The following PCDH15 variants were observed in gnomAD, a reference collection of about 807,000 sequenced individuals.
The protein encoded by PCDH15 is protocadherin related 15.
PCDH15 carries 129 observed loss-of-function variants against 178.5 expected under a neutral mutation model. The observed-to-expected ratio is 0.72, with a 90% confidence interval of 0.63 to 0.84. PCDH15 has a LOEUF of 0.84. Among genes scored for constraint, PCDH15 ranks in the 40% least tolerant of loss-of-function variants. The pLI, the probability that PCDH15 is intolerant of heterozygous loss-of-function variation, is 0.00. For synonymous variants in PCDH15, 800 were observed against 732.0 expected, an observed-to-expected ratio of 1.09 and a Z score of -1.50; for missense variants, 2,230 against 2,099.9, an observed-to-expected ratio of 1.06 and a Z score of -1.21.
intron 2 of PCDH15, among the ~76,000 whole-genome samples, chr10:55,376,737 C>T (rs1837402591): frequency 6.6e-6 from 1 of 151,962 alleles, no homozygotes; most frequent in Admixed American, 6.6e-5. Context: ...AGTCAATACA[C>T]CTATAAGCGG....
intron 2 of PCDH15, among the ~76,000 whole-genome samples, chr10:55,089,679 A>T (rs1842264733): frequency 6.6e-6 from 1 of 152,146 alleles, no homozygotes; most frequent in African/African-American, 2.4e-5. Flanking sequence ...AAATTCAAAT[A>T]CAAGAATATC....
chr10:54,925,035 A>G (rs1837582598), intron 2 of PCDH15, among the ~76,000 whole-genome samples: 1 of 152,114 alleles, frequency 6.6e-6, no homozygotes, highest in Admixed American at 6.6e-5. Flanking sequence ...TATGTCCTGC[A>G]TGGTATTGCC....
intron 1 of PCDH15, among the ~76,000 whole-genome samples, chr10:54,740,908 G>T (rs982538983): frequency 2.0e-5 from 3 of 151,798 alleles, no homozygotes; most frequent in Non-Finnish European, 2.9e-5. Flanking sequence ...TTGGTTAATG[G>T]ATACAAAAAT....
intron 3 of PCDH15, among the ~76,000 whole-genome samples, chr10:54,423,252 C>T (rs1299457505): frequency 1.3e-5 from 2 of 152,002 alleles, no homozygotes; most frequent in Non-Finnish European, 2.9e-5. Context: ...CAATAATTTC[C>T]CTGGTTACTA....
intron 10 of PCDH15, among the ~76,000 whole-genome samples, chr10:54,206,228 CACTGGA>C (rs2050782831): frequency 6.6e-6 from 1 of 152,030 alleles, no homozygotes; most frequent in African/African-American, 2.4e-5. Flanking sequence ...TACAAATCGA[CACTGGA>C]ATGACTAAAA....
chr10:54,084,529 G>A (rs1486209205), intron 16 of PCDH15, among the ~76,000 whole-genome samples: 1 of 152,052 alleles, frequency 6.6e-6, no homozygotes, highest in African/African-American at 2.4e-5. Flanking sequence ...AGCTACTTGG[G>A]AGGCTGAGGT....
At chr10:54,130,136 A>G (rs916034423) in intron 15 of PCDH15, among the ~76,000 whole-genome samples, 3 of 147,714 alleles carry the variant, frequency 2.0e-5, no homozygotes, top group African/African-American at 8.1e-5. Context: ...ACAGACAAAG[A>G]GGGAGGAAGC....
chr10:54,055,954 C>T (rs112237467), intron 18 of PCDH15, among the ~76,000 whole-genome samples: 88 of 152,266 alleles, frequency 5.8e-4, no homozygotes, highest in African/African-American at 2.0e-3. Context: ...ATCATGTTCT[C>T]CTACTTCTGA....
intron 13 of PCDH15, among the ~76,000 whole-genome samples, chr10:54,164,167 G>A (rs185701160): frequency 2.3e-4 from 35 of 152,224 alleles, no homozygotes; most frequent in African/African-American, 7.2e-4. Context: ...CAGAATTGTC[G>A]GAGAAAGAGT....
At chr10:54,244,462 T>TGTAACAAAATCTTGTTG (rs1351234345) in intron 8 of PCDH15, among the ~76,000 whole-genome samples, 5 of 152,198 alleles carry the variant, frequency 3.3e-5, no homozygotes. Context: ...AATAAAAGCC[T>TGTAACAAAATCTTGTTG]GTAACAAAAT....
At chr10:55,345,139 G>GTC (rs1326158431) in intron 2 of PCDH15, among the ~76,000 whole-genome samples, 21 of 150,260 alleles carry the variant, frequency 1.4e-4, no homozygotes, top group African/African-American at 5.2e-4. Flanking sequence ...GTGTGTGTGT[G>GTC]TGTCTCTCTC....
chr10:54,901,310 G>A (rs183586340), intron 2 of PCDH15, among the ~76,000 whole-genome samples: 30 of 152,132 alleles, frequency 2.0e-4, no homozygotes, highest in Admixed American at 1.8e-3. Context: ...AATAAAATAG[G>A]ACAAAGCTAG....
chr10:54,129,489 C>A (rs896507192), intron 15 of PCDH15, among the ~76,000 whole-genome samples: 1 of 152,058 alleles, frequency 6.6e-6, no homozygotes, highest in East Asian at 1.9e-4. Flanking sequence ...TGGAGATGAT[C>A]CATGATGGAC....
chr10:54,177,784 C>CGACTA (rs2047588107), intron 13 of PCDH15, among the ~76,000 whole-genome samples: 1 of 152,028 alleles, frequency 6.6e-6, no homozygotes, highest in South Asian at 2.1e-4. Context: ...GCCTCCAACA[C>CGACTA]GACTAGATGC....
At chr10:55,152,115 C>T (rs566384740) in intron 2 of PCDH15, among the ~76,000 whole-genome samples, 14 of 152,114 alleles carry the variant, frequency 9.2e-5, no homozygotes, top group Non-Finnish European at 2.1e-4. Flanking sequence ...AAATATAGAT[C>T]GCTTTTCTGA....
chr10:54,586,298 G>A (rs896331741), intron 2 of PCDH15, among the ~76,000 whole-genome samples: 6 of 152,032 alleles, frequency 3.9e-5, no homozygotes, highest in Non-Finnish European at 7.4e-5. Context: ...CATTAAAATA[G>A]ATTCATTGAG....
intron 8 of PCDH15, among the ~76,000 whole-genome samples, chr10:54,291,085 C>A (rs138618365): frequency 0.013 from 1,949 of 152,244 alleles, 42 homozygotes; most frequent in African/African-American, 0.043. Flanking sequence ...AAGCACTCCT[C>A]AGTAAATGTG....
intron 1 of PCDH15, among the ~76,000 whole-genome samples, chr10:54,739,562 G>C (rs954982202): frequency 5.2e-5 from 6 of 114,616 alleles, no homozygotes; most frequent in Non-Finnish European, 9.6e-5. Flanking sequence ...TCACAAAATC[G>C]AAAAAAAAAA....
At chr10:54,531,069 G>T (rs2083862982) in intron 2 of PCDH15, among the ~76,000 whole-genome samples, 1 of 152,110 alleles carries the variant, frequency 6.6e-6, no homozygotes, top group Admixed American at 6.6e-5. Context: ...AGACTAGAAA[G>T]CAATTTGGGG....
Sources: gnomAD v4.1 joint callset for allele counts (sites outside exome capture counted in the v4.1 genomes callset) on GRCh38, gnomAD v4.1.1 for gene constraint, MANE v1.5 for transcripts, NCBI Gene and HGNC (gene_info 2026-07-23, HGNC 2026-07-21) for gene names.